Variants in EXOC3L2 observed in about 807,000 individuals in gnomAD.
EXOC3L2 encodes exocyst complex component 3 like 2.
Under a neutral mutation model 44.4 loss-of-function variants are expected in EXOC3L2, and 17 were observed. The observed-to-expected ratio is 0.38, with a 90% confidence interval of 0.26 to 0.57. The LOEUF (loss-of-function observed/expected upper bound fraction) is 0.57, where lower values mean the gene tolerates loss of function less well. EXOC3L2 is among the 20% of genes least tolerant of loss of function. The pLI, the probability that EXOC3L2 is intolerant of heterozygous loss-of-function variation, is 0.65. For missense variants in EXOC3L2, 541 were observed against 588.4 expected, an observed-to-expected ratio of 0.92 and a Z score of 0.83; for synonymous variants, 256 against 253.7, an observed-to-expected ratio of 1.01 and a Z score of -0.09.
chr19:45,235,786 G>C (rs993807479), intron 2 of EXOC3L2, among the ~76,000 whole-genome samples: 3 of 152,146 alleles, frequency 2.0e-5, no homozygotes, highest in African/African-American at 7.2e-5. Context: ...TGCCCTCCCA[G>C]TCCCCAGGGA....
Position 45,238,533 on chromosome 19 carries a change from C to G in EXOC3L2, c.513G>C (p.Glu171Asp), listed in dbSNP as rs1032049109. Residue 171 changes from glutamate (E) to aspartate (D), a missense_variant, in exon 2 of 12, where the codon GAG (glutamate) becomes GAC (aspartate). By Grantham distance (45) the Glu-to-Asp change is conservative (BLOSUM62 2). Transcript: ENST00000413988. This position sits in a 1 kb window ranked among gnomAD's most constrained non-coding sequence, Gnocchi z 5.5. ...GGGCTCCGGACTCACCTGACAATGG[C>G]TCCTTCATCTTTGGGGGCTCTGGGA... ...PKVPEPPKMK[E>D]PLSVLEILSL... The G allele has an allele frequency of 1.0e-5, 4 of 399,720 alleles. No homozygotes were observed. In the East Asian group the frequency reaches 1.4e-4, roughly 14 times the overall value. The allele number at this position is 399,720 out of a possible 1,614,324, so 24.8% of individuals were successfully genotyped here. A position where few individuals can be genotyped will look rare whatever the true frequency, so the allele number is the denominator to read the frequency against.
intron 9 of EXOC3L2, 39 bp downstream of exon 9, chr19:45,218,158 T>TACCCC: frequency 1.3e-5 from 13 of 1,034,898 alleles, no homozygotes; most frequent in African/African-American, 1.7e-5. Flanking sequence ...TCCCCTCTTT[T>TACCCC]CCCCCACCCC....
chr19:45,215,086 C>T (rs540956094), intron 11 of EXOC3L2, among the ~76,000 whole-genome samples: 1 of 152,176 alleles, frequency 6.6e-6, no homozygotes, highest in Non-Finnish European at 1.5e-5. Context: ...GCAGAGGTTG[C>T]AGTGAGCTGA....
At chr19:45,235,404 G>A (rs1381395383) in intron 2 of EXOC3L2, among the ~76,000 whole-genome samples, 2 of 152,130 alleles carry the variant, frequency 1.3e-5, no homozygotes, top group African/African-American at 4.8e-5. Context: ...GGGGTCGGAG[G>A]AGGCGAGAAG....
At position 45,238,998 on chromosome 19, in the gene EXOC3L2, C is replaced by T. The variant is rs1474779387; in HGVS notation, c.48G>A (p.Arg16=). 1 of 399,116 alleles carries T rather than the reference C, an allele frequency of 2.5e-6. No individual in the cohort carries two copies. Among genetic ancestry groups the T allele is most frequent in the East Asian group, 3.6e-5 (1 of 28,074 alleles). The allele number at this position is 399,116 out of a possible 1,614,324, so 24.7% of individuals were successfully genotyped here. Residue 16 remains arginine, a synonymous_variant, in exon 2 of 12, where the codon CGG becomes CGA. Coordinates refer to ENST00000413988, the MANE Select transcript of EXOC3L2 (RefSeq NM_001382422.1). This position sits in a 1 kb window ranked among gnomAD's most constrained non-coding sequence, Gnocchi z 5.5. ...AGGACCTCAGGGGCAGGGTCCCCGC[C>T]CGGGGCACCTTAGGGTCTGACACTC... ...NLGVSDPKVP[R]AGTLPLRSSR...
At chr19:45,224,240 G>T (rs551333988) in intron 8 of EXOC3L2, among the ~76,000 whole-genome samples, 1 of 152,174 alleles carries the variant, frequency 6.6e-6, no homozygotes, top group East Asian at 1.9e-4. Context: ...GGGGCTGATT[G>T]TGCCGGGTTG....
intron 1 of EXOC3L2, among the ~76,000 whole-genome samples, chr19:45,243,222 G>T (rs936727434): frequency 6.6e-6 from 1 of 152,164 alleles, no homozygotes; most frequent in Non-Finnish European, 1.5e-5. Context: ...TGTGTAAAGG[G>T]TCAGATGTTC....
intron 4 of EXOC3L2, among the ~76,000 whole-genome samples, chr19:45,230,297 C>A (rs181436510): frequency 6.6e-6 from 1 of 152,204 alleles, no homozygotes; most frequent in Non-Finnish European, 1.5e-5. Context: ...CGGCTCACTG[C>A]AAGCTCCGTC....
chr19:45,220,896 A>G (rs1969889491), intron 8 of EXOC3L2, among the ~76,000 whole-genome samples: 1 of 151,418 alleles, frequency 6.6e-6, no homozygotes, highest in African/African-American at 2.4e-5. Context: ...GGGGGTGAGG[A>G]AGGGGAAGAG....
chr19:45,213,742 C>G (rs547242327), intron 11 of EXOC3L2, among the ~76,000 whole-genome samples: 1 of 151,554 alleles, frequency 6.6e-6, no homozygotes, highest in South Asian at 2.1e-4. Context: ...GTCAGGAGTT[C>G]GAGACCAGCC....
intron 1 of EXOC3L2, among the ~76,000 whole-genome samples, chr19:45,243,945 A>G (rs1970149778): frequency 6.7e-6 from 1 of 150,292 alleles, no homozygotes. Flanking sequence ...TTTATTTTTT[A>G]GACAGTCTCA....
intron 11 of EXOC3L2, among the ~76,000 whole-genome samples, chr19:45,214,528 G>A (rs937107288): frequency 6.6e-6 from 1 of 151,938 alleles, no homozygotes; most frequent in African/African-American, 2.4e-5. Flanking sequence ...GCAGTGGCGC[G>A]ATCTCAGCTC....
chr19:45,225,235 G>A (rs1271133767), intron 7 of EXOC3L2, among the ~76,000 whole-genome samples: 1 of 151,736 alleles, frequency 6.6e-6, no homozygotes, highest in African/African-American at 2.4e-5. Flanking sequence ...CTTTCTGGGT[G>A]AGAGTGTGGA....
intron 2 of EXOC3L2, among the ~76,000 whole-genome samples, chr19:45,235,972 G>A (rs1970080381): frequency 6.6e-6 from 1 of 152,142 alleles, no homozygotes; most frequent in South Asian, 2.1e-4. Flanking sequence ...ATGGGGATTG[G>A]GACACGGATG....
At position 45,213,004 on chromosome 19, in the gene EXOC3L2, C is replaced by T; in HGVS notation, c.*65G>A. On this transcript the variant is annotated 3_prime_UTR_variant, in exon 12 of 12. Transcript: ENST00000413988. ...CCCAGGCAGGGAGTCAGGAGGGGCG[C>T]CGTACGGGAGGTTGGCTTGTCAGCA... 1 of 1,411,178 alleles carries T rather than the reference C, an allele frequency of 7.1e-7. No homozygotes were observed. Among genetic ancestry groups the T allele is most frequent in the Non-Finnish European group, 9.2e-7 (1 of 1,087,620 alleles). The allele number at this position is 1,411,178 out of a possible 1,614,324, so 87.4% of individuals were successfully genotyped here.
In EXOC3L2 at chr19:45,234,165, T is replaced by C; in HGVS notation, c.1157+28A>G. 2 of 394,124 alleles carry C rather than the reference T, an allele frequency of 5.1e-6. No individual in the cohort carries two copies. The highest frequency in any genetic ancestry group is 9.0e-6 in the Non-Finnish European group (2 of 223,130). The allele number at this position is 394,124 out of a possible 1,614,324, so 24.4% of individuals were successfully genotyped here. ...AGGGGGTAGGGCTGAGGGTTTCACG[T>C]GACCTTGGGCAACTGAGTCCAGCTT... On this transcript the variant is annotated intron_variant, in intron 3 of 11. Transcript: ENST00000413988. The surrounding 1 kb of genome is among the most constrained non-coding windows in gnomAD (Gnocchi z 5.0).
intron 1 of EXOC3L2, among the ~76,000 whole-genome samples, chr19:45,240,267 CTTAA>C (rs1459879435): frequency 6.6e-6 from 1 of 150,784 alleles, no homozygotes; most frequent in African/African-American, 2.4e-5. Flanking sequence ...ACCATGCCCA[CTTAA>C]TTAATTAATT....
intron 6 of EXOC3L2, 22 bp downstream of exon 6, chr19:45,227,952 C>T (rs779442395): frequency 1.9e-6 from 3 of 1,610,578 alleles, no homozygotes; most frequent in Non-Finnish European, 2.5e-6. Flanking sequence ...CAGAGCTAAC[C>T]TGTGCTCCCA....
At chr19:45,226,396 G>T (rs142520719) in intron 7 of EXOC3L2, among the ~76,000 whole-genome samples, 1 of 152,132 alleles carries the variant, frequency 6.6e-6, no homozygotes, top group Non-Finnish European at 1.5e-5. Flanking sequence ...GAGCCTGGGA[G>T]TCCGAGACCA....
Sources: allele counts gnomAD v4.1 joint callset (sites outside exome capture counted in the v4.1 genomes callset), GRCh38; gene constraint gnomAD v4.1.1; non-coding constraint Gnocchi (gnomAD v3.1); transcripts MANE v1.5; gene names NCBI Gene and HGNC (gene_info 2026-07-23, HGNC 2026-07-21).